The following ADGRL2 variants were observed in gnomAD, a reference collection of about 807,000 sequenced individuals.
ADGRL2 encodes the protein adhesion G protein-coupled receptor L2.
In ADGRL2, 44 loss-of-function variants were observed where a neutral mutation model predicts 157.4. The ratio of observed to expected loss-of-function variants is 0.28; its 90% CI spans 0.22 to 0.36. ADGRL2 has a LOEUF of 0.36. Among genes scored for constraint, ADGRL2 ranks in the 10% least tolerant of loss-of-function variants. ADGRL2 has a pLI of 1.00. For missense variants in ADGRL2, 1,510 were observed against 1,768.9 expected (o/e 0.85, Z 2.63); for synonymous variants, 585 against 624.7 (o/e 0.94, Z 0.95).
At chr1:81,405,129 A>C (rs2076830292) in intron 1 of ADGRL2, among the ~76,000 whole-genome samples, 1 of 152,172 alleles carries the variant, frequency 6.6e-6, no homozygotes, top group African/African-American at 2.4e-5. Flanking sequence ...ACGGTGCTGT[A>C]ATAGGCCTTT....
rs181356745 is a variant in ADGRL2 at position 81,446,230 on chromosome 1, C to A, written c.-248+1141C>A. Reference sequence around the variant, plus strand: ...GAAAGTGGGGTGCCTGCCAGCCCGGCGCACAGCACAGCGTAGTTGGAGAAT... The same window carrying A: ...GAAAGTGGGGTGCCTGCCAGCCCGGAGCACAGCACAGCGTAGTTGGAGAAT... On this transcript the variant is annotated intron_variant, in intron 2 of 24. Transcript: ENST00000370721. 2.1e-4 allele frequency among the ~76,000 whole-genome samples: 32 copies of A among 152,152 alleles called. No homozygotes were observed. In the East Asian group the frequency reaches 5.4e-3, roughly 26 times the overall value.
chr1:81,841,036 C>T (rs1249812795), intron 2 of ADGRL2, among the ~76,000 whole-genome samples: 1 of 152,070 alleles, frequency 6.6e-6, no homozygotes, highest in Non-Finnish European at 1.5e-5. Context: ...ATAAGTTAGA[C>T]ACATGAAGGC....
intron 1 of ADGRL2, among the ~76,000 whole-genome samples, chr1:81,826,455 T>G (rs1364120382): frequency 6.6e-6 from 1 of 152,104 alleles, no homozygotes; most frequent in Non-Finnish European, 1.5e-5. Context: ...AGCAGGAGAT[T>G]TATTAAGCCT....
chr1:81,316,556 T>A (rs1316906950), intron 1 of ADGRL2, among the ~76,000 whole-genome samples: 4 of 152,172 alleles, frequency 2.6e-5, no homozygotes, highest in Admixed American at 6.5e-5. Flanking sequence ...ATAATGAAAC[T>A]TCACTAAACA....
At chr1:81,647,300 C>T (rs1480587408) in intron 3 of ADGRL2, among the ~76,000 whole-genome samples, 2 of 152,076 alleles carry the variant, frequency 1.3e-5, no homozygotes, top group African/African-American at 4.8e-5. Context: ...GAGACTTCAC[C>T]TTATTTAAAG....
chr1:81,342,957 A>G (rs866323765), intron 1 of ADGRL2, among the ~76,000 whole-genome samples: 1 of 152,188 alleles, frequency 6.6e-6, no homozygotes, highest in African/African-American at 2.4e-5. Context: ...ACTCTGAGAA[A>G]AAAGTATGCA....
intron 1 of ADGRL2, among the ~76,000 whole-genome samples, chr1:81,808,806 C>T (rs2089486119): frequency 6.6e-6 from 1 of 151,988 alleles, no homozygotes; most frequent in South Asian, 2.1e-4. Flanking sequence ...TAGCTGGGCA[C>T]CTGTTTTATT....
chr1:81,837,559 A>G (rs1047002975), intron 2 of ADGRL2, among the ~76,000 whole-genome samples: 16 of 152,028 alleles, frequency 1.1e-4, no homozygotes, highest in Middle Eastern at 3.4e-3. Context: ...TATTCTTTGT[A>G]ATGTTAAATT....
intron 2 of ADGRL2, among the ~76,000 whole-genome samples, chr1:81,529,652 G>T (rs942701537): frequency 3.3e-5 from 5 of 152,170 alleles, no homozygotes; most frequent in Non-Finnish European, 7.3e-5. Flanking sequence ...AACCACTGTT[G>T]GTTGAATCTA....
intron 3 of ADGRL2, among the ~76,000 whole-genome samples, chr1:81,677,049 C>T (rs1297362288): frequency 6.6e-6 from 1 of 150,958 alleles, no homozygotes; most frequent in African/African-American, 2.4e-5. Context: ...TGCAATGGCA[C>T]GATCTCGGCT....
chr1:81,871,229 C>G (rs2093685627), intron 2 of ADGRL2, among the ~76,000 whole-genome samples: 1 of 151,908 alleles, frequency 6.6e-6, no homozygotes, highest in Non-Finnish European at 1.5e-5. Context: ...ATGATGGTTT[C>G]CAGCTTCGTC....
intron 2 of ADGRL2, among the ~76,000 whole-genome samples, chr1:81,485,593 C>G (rs2078482908): frequency 1.3e-5 from 2 of 151,998 alleles, no homozygotes; most frequent in Non-Finnish European, 2.9e-5. Flanking sequence ...TTCTAGAATG[C>G]CTCAAGAACA....
chr1:81,785,351 T>A (rs1198189829), intron 2 of ADGRL2, among the ~76,000 whole-genome samples: 1 of 152,124 alleles, frequency 6.6e-6, no homozygotes, highest in Non-Finnish European at 1.5e-5. Context: ...GAGGGTCTTT[T>A]CAGAAATTAT....
At chr1:81,784,537 G>A (rs1020783324) in intron 2 of ADGRL2, among the ~76,000 whole-genome samples, 1 of 152,068 alleles carries the variant, frequency 6.6e-6, no homozygotes, top group African/African-American at 2.4e-5. Flanking sequence ...AGACCAATCT[G>A]GCCAACATGG....
intron 3 of ADGRL2, among the ~76,000 whole-genome samples, chr1:81,606,782 G>A (rs532427356): frequency 3.1e-4 from 47 of 150,214 alleles, no homozygotes; most frequent in African/African-American, 1.1e-3. Flanking sequence ...GTGCGCACGC[G>A]TGTGTGTGTG....
chr1:81,986,854 T>C lies in ADGRL2; in HGVS notation c.3509-47T>C, dbSNP rs778421470. ...CAACTGTAACACTAAAATAAGAAACTGATGTACTTTTCTCTGTTTTTTTGT... is the reference window on the plus strand; with the variant it reads ...CAACTGTAACACTAAAATAAGAAACCGATGTACTTTTCTCTGTTTTTTTGT... On this transcript the variant is annotated intron_variant, in intron 21 of 23. Coordinates refer to ENST00000686636, the MANE Select transcript of ADGRL2 (RefSeq NM_001366006.2). The C allele has an allele frequency of 6.4e-6, 10 of 1,573,248 alleles. No homozygotes were observed. In the East Asian group the frequency reaches 9.0e-5, roughly 14 times the overall value.
At chr1:81,514,524 T>C (rs1305736836) in intron 2 of ADGRL2, 1 of 152,204 alleles carries the variant, frequency 6.6e-6, no homozygotes, top group African/African-American at 2.4e-5. Flanking sequence ...TTTTTTCAAC[T>C]TTGGGGGTTT....
chr1:81,505,740 C>CAAAAAAAAAAAAAAAA (rs59062091), intron 2 of ADGRL2, among the ~76,000 whole-genome samples: 2 of 85,082 alleles, frequency 2.4e-5, no homozygotes, highest in East Asian at 3.4e-4. Context: ...TGTCCTCCTG[C>CAAAAAAAAAAAAAAAA]AAAAAAAAAA....
At position 81,605,034 on chromosome 1, in the gene ADGRL2, A is replaced by C. The variant is rs1252469816; in HGVS notation, c.-143+24054A>C. Among the ~76,000 whole-genome samples, 3 of 152,300 alleles carry C rather than the reference A, an allele frequency of 2.0e-5. 1 individual carries two copies. The East Asian group carries it at 5.8e-4, about 29-fold the overall frequency. ...AACTTTACAGATGAAATAATAGCTC[A>C]GGTCTTTTCTCTCAAATTCACTGTC... On this transcript the variant is annotated intron_variant, in intron 3 of 24. Transcript: ENST00000370721.
Sources: gnomAD v4.1 joint callset for allele counts (sites outside exome capture counted in the v4.1 genomes callset) on GRCh38, gnomAD v4.1.1 for gene constraint, MANE v1.5 for transcripts, NCBI Gene and HGNC (gene_info 2026-07-23, HGNC 2026-07-21) for gene names.